Variants in MMS22L observed in about 807,000 individuals in gnomAD.
MMS22L encodes the protein MMS22 like, DNA repair protein, also known as protein MMS22-like.
A neutral mutation model predicts 159.1 loss-of-function variants in MMS22L; 74 were observed. The ratio of observed to expected loss-of-function variants is 0.47; its 90% CI spans 0.39 to 0.56. MMS22L has a LOEUF of 0.56. Among genes scored for constraint, MMS22L ranks in the 20% least tolerant of loss-of-function variants. The probability of loss-of-function intolerance (pLI) is 0.00; values close to 1 mark genes in which losing one functional copy is unlikely to be tolerated. For synonymous variants in MMS22L, 517 were observed against 506.9 expected (o/e 1.02, Z -0.27); for missense variants, 1,351 against 1,422.1 (o/e 0.95, Z 0.80).
intron 11 of MMS22L, among the ~76,000 whole-genome samples, chr6:97,238,587 G>C (rs1811690489): frequency 1.1e-5 from 1 of 91,594 alleles, no homozygotes; most frequent in South Asian, 3.8e-4. Context: ...GTGTGTGTGT[G>C]TGTGTGTGTG....
At chr6:97,147,765 G>C (rs963802154) in intron 24 of MMS22L, among the ~76,000 whole-genome samples, 1 of 152,096 alleles carries the variant, frequency 6.6e-6, no homozygotes, top group African/African-American at 2.4e-5. Context: ...GAAAGGAGAT[G>C]TTCCATTCTG....
chr6:97,158,056 ATG>A (rs984183148), intron 22 of MMS22L, among the ~76,000 whole-genome samples: 4 of 152,154 alleles, frequency 2.6e-5, no homozygotes, highest in Admixed American at 2.6e-4. Flanking sequence ...GGGAGGATGT[ATG>A]TGTCTAGGAA....
chr6:97,157,722 A>C (rs1044981369), intron 22 of MMS22L, among the ~76,000 whole-genome samples: 1 of 152,150 alleles, frequency 6.6e-6, no homozygotes, highest in Non-Finnish European at 1.5e-5. Context: ...TCGGTTTGCC[A>C]GTATTTTATT....
Position 97,186,178 on chromosome 6 carries a change from TCATA to T in MMS22L, c.2233+315_2233+318del, listed in dbSNP as rs1008813396. Among the ~76,000 whole-genome samples, 36 of 152,292 alleles carry T rather than the reference TCATA, an allele frequency of 2.4e-4. 1 individual carries two copies. Among genetic ancestry groups the T allele is most frequent in the Middle Eastern group, 3.4e-3 (1 of 294 alleles). ...CTTCATCTTATACCTATGTATCTGC[TCATA>T]CAATTTGAAAATAAACTACTTGAAT... On this transcript the variant is annotated intron_variant, in intron 15 of 24. Coordinates refer to ENST00000683635, the MANE Select transcript of MMS22L (RefSeq NM_001350599.2).
intron 17 of MMS22L, among the ~76,000 whole-genome samples, chr6:97,178,839 G>A (rs1417250814): frequency 6.6e-6 from 1 of 151,944 alleles, no homozygotes; most frequent in African/African-American, 2.4e-5. Context: ...AAATTTGGAG[G>A]ATTTTTTTCA....
At chr6:97,250,685 C>T (rs1374749823) in intron 10 of MMS22L, among the ~76,000 whole-genome samples, 1 of 152,046 alleles carries the variant, frequency 6.6e-6, no homozygotes, top group Non-Finnish European at 1.5e-5. Flanking sequence ...GAGTTAAATC[C>T]ATTATAGCTT....
intron 9 of MMS22L, among the ~76,000 whole-genome samples, chr6:97,262,765 C>A (rs1483199278): frequency 6.6e-6 from 1 of 151,638 alleles, no homozygotes; most frequent in Non-Finnish European, 1.5e-5. Context: ...ATAACATAAA[C>A]CATTTTTAAT....
At chr6:97,185,617 T>C (rs919777974) in intron 15 of MMS22L, among the ~76,000 whole-genome samples, 6 of 152,126 alleles carry the variant, frequency 3.9e-5, no homozygotes, top group African/African-American at 1.4e-4. Context: ...AATTCTTTAA[T>C]CTATCATCGT....
chr6:97,283,181 G>T lies in MMS22L; in HGVS notation c.-162C>A, dbSNP rs1225148205. 1.3e-5 allele frequency: 2 copies of T among 152,252 alleles called. No homozygotes were observed. Among genetic ancestry groups the T allele is most frequent in the Non-Finnish European group, 2.9e-5 (2 of 68,078 alleles). The allele number at this position is 152,252 out of a possible 1,614,324, so 9.4% of individuals were successfully genotyped here. A position where few individuals can be genotyped will look rare whatever the true frequency, so the allele number is the denominator to read the frequency against. ...TTTGGGGTCTAAACCGCAAACAGGC[G>T]AAATTCCCGCCACCGCGCGCCCGCG... On this transcript the variant is annotated 5_prime_UTR_variant, in exon 1 of 25. Transcript: ENST00000683635.
intron 19 of MMS22L, among the ~76,000 whole-genome samples, chr6:97,172,675 G>C (rs1803665884): frequency 6.6e-6 from 1 of 152,022 alleles, no homozygotes; most frequent in Non-Finnish European, 1.5e-5. Flanking sequence ...ATACAGAGCA[G>C]AGCATAGAAA....
In MMS22L at chr6:97,272,970, C is replaced by T. The variant is rs750471142; in HGVS notation, c.428+5G>A. The T allele has an allele frequency of 1.9e-6, 3 of 1,610,716 alleles. No homozygotes were observed. The highest frequency in any genetic ancestry group is 3.4e-5 in the Admixed American group (2 of 59,542). Reference sequence around the variant, plus strand: ...AGTGATCAAAATACTCATCTGATATCCTACCTGAAGATGAAAACTTTAACA... The same window carrying T: ...AGTGATCAAAATACTCATCTGATATTCTACCTGAAGATGAAAACTTTAACA... On this transcript the variant is annotated splice_donor_5th_base_variant and intron_variant, in intron 5 of 24. Coordinates refer to ENST00000683635, the MANE Select transcript of MMS22L (RefSeq NM_001350599.2).
rs149185167 is a variant in MMS22L, at chr6:97,221,707, C to T, written c.2039+7187G>A. ...GCAATGGATTACTCCTTGTAAGCAA[C>T]AATATCTCTACTTGGTTTTTCAAAT... On this transcript the variant is annotated intron_variant, in intron 14 of 24. Coordinates refer to ENST00000683635, the MANE Select transcript of MMS22L (RefSeq NM_001350599.2). 1.9e-3 allele frequency among the ~76,000 whole-genome samples: 296 copies of T among 152,124 alleles called. 2 individuals are homozygous for T. Among genetic ancestry groups the T allele is most frequent in the African/African-American group, 6.9e-3 (286 of 41,544 alleles).
rs538510036 is a variant in MMS22L at position 97,263,567 on chromosome 6, G to A, written c.829-119C>T. ...ATGACTAAGAATTTATTCTCAATTA[G>A]ACAAAATTATTTATTGAAAATGTGC... On this transcript the variant is annotated intron_variant, in intron 8 of 24. Coordinates refer to ENST00000683635, the MANE Select transcript of MMS22L (RefSeq NM_001350599.2). The A allele has an allele frequency of 3.7e-5, 17 of 456,784 alleles. No individual in the cohort carries two copies. The Admixed American group carries it at 4.0e-4, about 11-fold the overall frequency. 28.3% of individuals were successfully genotyped at this position (456,784 alleles called of 1,614,324 possible). A position where few individuals can be genotyped will look rare whatever the true frequency, so the allele number is the denominator to read the frequency against.
intron 6 of MMS22L, chr6:97,271,102 A>G (rs1232434077): frequency 6.6e-6 from 1 of 152,128 alleles, no homozygotes; most frequent in African/African-American, 2.4e-5. Flanking sequence ...CTCAACTGGA[A>G]GTACCAATTA....
chr6:97,258,898 T>G (rs899688713), intron 9 of MMS22L: 7 of 152,308 alleles, frequency 4.6e-5, no homozygotes, highest in African/African-American at 1.4e-4. Flanking sequence ...TTAAGTTCAG[T>G]TGTTTCTGTT....
intron 12 of MMS22L, among the ~76,000 whole-genome samples, chr6:97,232,302 T>G (rs1291050733): frequency 2.6e-5 from 4 of 152,172 alleles, no homozygotes; most frequent in Admixed American, 2.6e-4. Flanking sequence ...TTCGTAGCAT[T>G]GATGATCATT....
chr6:97,215,923 A>G (rs1317170073), intron 14 of MMS22L, among the ~76,000 whole-genome samples: 3 of 152,188 alleles, frequency 2.0e-5, no homozygotes, highest in Non-Finnish European at 4.4e-5. Flanking sequence ...TAAGCCTTAA[A>G]TCTGACAAGA....
intron 7 of MMS22L, among the ~76,000 whole-genome samples, chr6:97,268,473 C>T (rs1815384821): frequency 6.6e-6 from 1 of 152,110 alleles, no homozygotes; most frequent in Non-Finnish European, 1.5e-5. Flanking sequence ...CAGGCGTGAG[C>T]CACCACGTCC....
Position 97,145,051 on chromosome 6 carries a change from C to A in MMS22L, c.*1755G>T, listed in dbSNP as rs1582331310. On this transcript the variant is annotated 3_prime_UTR_variant, in exon 25 of 25. Coordinates refer to ENST00000683635, the MANE Select transcript of MMS22L (RefSeq NM_001350599.2). ...ACACACACACACACACACACACACA[C>A]ACACACACACACACAAAAACACATA... 2 of 146,634 alleles carry A rather than the reference C, an allele frequency of 1.4e-5. No homozygotes were observed. Among genetic ancestry groups the A allele is most frequent in the African/African-American group, 5.3e-5 (2 of 38,010 alleles). 9.1% of individuals were successfully genotyped at this position (146,634 alleles called of 1,614,324 possible). A position where few individuals can be genotyped will look rare whatever the true frequency, so the allele number is the denominator to read the frequency against.
Sources: allele counts gnomAD v4.1 joint callset (sites outside exome capture counted in the v4.1 genomes callset), GRCh38; gene constraint gnomAD v4.1.1; transcripts MANE v1.5; gene names NCBI Gene and HGNC (gene_info 2026-07-23, HGNC 2026-07-21).